Variants in GFPT2 observed in about 807,000 individuals in gnomAD.
GFPT2 encodes glutamine--fructose-6-phosphate aminotransferase [isomerizing] 2.
GFPT2 carries 62 observed loss-of-function variants against 85.6 expected under a neutral mutation model. That is an observed-to-expected ratio of 0.72 (90% CI 0.59 to 0.90). The LOEUF is 0.90. Ranked by LOEUF, GFPT2 falls within the 40% of genes least tolerant of loss-of-function variation. The probability of loss-of-function intolerance (pLI) is 0.00; values close to 1 mark genes in which losing one functional copy is unlikely to be tolerated. For synonymous variants in GFPT2, 368 were observed against 344.5 expected (o/e 1.07, Z -0.75); for missense variants, 788 against 893.4 (o/e 0.88, Z 1.50).
At position 180,330,900 on chromosome 5, in the gene GFPT2, C is replaced by T. The variant is rs1043007411; in HGVS notation, c.400-66G>A. On this transcript the variant is annotated intron_variant, in intron 5 of 18. Coordinates refer to ENST00000253778, the MANE Select transcript of GFPT2 (RefSeq NM_005110.4). This position sits in a 1 kb window ranked among gnomAD's most constrained non-coding sequence, Gnocchi z 4.4. Reference sequence around the variant, plus strand: ...GCACAATGCCTGCCTGGCCAACTCCCTCTCCTCCCTGGTGATCTGCCCTTG... The same window carrying T: ...GCACAATGCCTGCCTGGCCAACTCCTTCTCCTCCCTGGTGATCTGCCCTTG... 8 of 1,435,276 alleles carry T rather than the reference C, an allele frequency of 5.6e-6. No homozygotes were observed. The highest frequency in any genetic ancestry group is 4.2e-5 in the African/African-American group (3 of 71,488). 88.9% of individuals were successfully genotyped at this position (1,435,276 alleles called of 1,614,324 possible). A position where few individuals can be genotyped will look rare whatever the true frequency, so the allele number is the denominator to read the frequency against.
intron 10 of GFPT2, among the ~76,000 whole-genome samples, chr5:180,317,849 G>A (rs1764043944): frequency 6.6e-6 from 1 of 152,064 alleles, no homozygotes; most frequent in Non-Finnish European, 1.5e-5. Context: ...GGGACAATGG[G>A]GCTGCAGGGT....
At chr5:180,317,148 A>G (rs2127650119) in intron 10 of GFPT2, 90 bp from the exon 11 acceptor site, 3 of 887,734 alleles carry the variant, frequency 3.4e-6, no homozygotes, top group Non-Finnish European at 5.7e-6. Context: ...TGTAAAGCTT[A>G]CTGCAGATTC....
At chr5:180,350,751 T>C (rs764672775) in intron 1 of GFPT2, among the ~76,000 whole-genome samples, 4 of 152,114 alleles carry the variant, frequency 2.6e-5, no homozygotes, top group East Asian at 1.9e-4. Flanking sequence ...AAATTCTCAG[T>C]GCACTGAAAG....
chr5:180,311,945 T>TGCTGAGGACCAGGGAGGCAGGGAG (rs1174433034), intron 15 of GFPT2, among the ~76,000 whole-genome samples: 1 of 147,222 alleles, frequency 6.8e-6, no homozygotes, highest in Non-Finnish European at 1.5e-5. Flanking sequence ...CACTGAGCAC[T>TGCTGAGGACCAGGGAGGCAGGGAG]GCTGAGGACC....
intron 15 of GFPT2, among the ~76,000 whole-genome samples, chr5:180,311,767 TCA>T (rs1281001536): frequency 1.3e-5 from 2 of 152,068 alleles, no homozygotes; most frequent in African/African-American, 2.4e-5. Context: ...GGCTAATGTT[TCA>T]CAGAGTGCTG....
intron 4 of GFPT2, among the ~76,000 whole-genome samples, chr5:180,333,886 A>T (rs892623284): frequency 6.6e-6 from 1 of 152,076 alleles, no homozygotes; most frequent in African/African-American, 2.4e-5. Context: ...TCTACACTGA[A>T]GTGGGGGATT....
intron 9 of GFPT2, 117 bp from the exon 10 acceptor site, chr5:180,319,073 G>C: frequency 1.2e-6 from 1 of 808,018 alleles, no homozygotes; most frequent in Non-Finnish European, 2.0e-6. Context: ...GAGGGACAGA[G>C]AGACCACACT....
intron 1 of GFPT2, among the ~76,000 whole-genome samples, chr5:180,347,626 G>A (rs1764634577): frequency 6.6e-6 from 1 of 152,126 alleles, no homozygotes; most frequent in South Asian, 2.1e-4. Flanking sequence ...CACACAGGAA[G>A]TCAGGAGCAA....
intron 4 of GFPT2, among the ~76,000 whole-genome samples, chr5:180,331,908 C>A (rs1378339071): frequency 6.6e-6 from 1 of 152,158 alleles, no homozygotes; most frequent in African/African-American, 2.4e-5. Flanking sequence ...GATGATGAGC[C>A]CTTCGTTCCA....
At chr5:180,342,763 A>C (rs758321571) in intron 1 of GFPT2, among the ~76,000 whole-genome samples, 1 of 151,218 alleles carries the variant, frequency 6.6e-6, no homozygotes, top group Non-Finnish European at 1.5e-5. Context: ...TTAGCTGGGT[A>C]TGGTGGTGCG....
chr5:180,308,695 A>T lies in GFPT2; in HGVS notation c.1547-1392T>A, dbSNP rs141178647. The stretch of plus-strand genomic sequence containing the variant: ...ATCAATAAACTTTTTCTACTTTGTT[A>T]GGTTAAAATTTATTTTTCTGTCTTG... On this transcript the variant is annotated intron_variant, in intron 15 of 18. Transcript: ENST00000253778. Among the ~76,000 whole-genome samples the T allele has an allele frequency of 4.3e-3, 658 of 152,318 alleles. 11 individuals are homozygous for T. The highest frequency in any genetic ancestry group is 0.041 in the East Asian group (212 of 5,186).
At position 180,314,076 on chromosome 5, in the gene GFPT2, C is replaced by G. The variant is rs1480863128; in HGVS notation, c.1274-112G>C. On this transcript the variant is annotated intron_variant, in intron 13 of 18. Transcript: ENST00000253778. ...AGGGAAATCGGCGCCCGAGACACAG[C>G]CAGCGGGTGTTCAGAAAGGAAAACG... The G allele has an allele frequency of 4.7e-6, 5 of 1,058,762 alleles. No homozygotes were observed. In the East Asian group the frequency reaches 1.4e-4, roughly 30 times the overall value. 65.6% of individuals were successfully genotyped at this position (1,058,762 alleles called of 1,614,324 possible).
intron 9 of GFPT2, among the ~76,000 whole-genome samples, chr5:180,319,857 C>G (rs1764085549): frequency 6.6e-6 from 1 of 152,116 alleles, no homozygotes; most frequent in Non-Finnish European, 1.5e-5. Context: ...AGGGGTTGCA[C>G]TCAGCAAAAC....
rs1029498170 is a variant in GFPT2, at chr5:180,301,338, T to A, written c.*226A>T. ...GTGGAGAAGTCTGCTCTGATCCCCA[T>A]GTGTAAACAATGATTCCCTTCTCCT... On this transcript the variant is annotated 3_prime_UTR_variant, in exon 19 of 19. Transcript: ENST00000253778. The A allele has an allele frequency of 3.4e-6, 2 of 595,828 alleles. No homozygotes were observed. Among genetic ancestry groups the A allele is most frequent in the Non-Finnish European group, 6.0e-6 (2 of 334,260 alleles). The allele number at this position is 595,828 out of a possible 1,614,324, so 36.9% of individuals were successfully genotyped here. A position where few individuals can be genotyped will look rare whatever the true frequency, so the allele number is the denominator to read the frequency against.
At chr5:180,350,957 C>G (rs1334692209) in intron 1 of GFPT2, among the ~76,000 whole-genome samples, 1 of 152,232 alleles carries the variant, frequency 6.6e-6, no homozygotes, top group Non-Finnish European at 1.5e-5. Context: ...TGCTCAGACG[C>G]CAGGTGCGCA....
At chr5:180,341,528 C>T (rs1278044552) in intron 1 of GFPT2, among the ~76,000 whole-genome samples, 1 of 152,146 alleles carries the variant, frequency 6.6e-6, no homozygotes, top group Non-Finnish European at 1.5e-5. Flanking sequence ...TTAAATAGTA[C>T]TATAAATTAT....
At chr5:180,344,993 C>T (rs73351321) in intron 1 of GFPT2, among the ~76,000 whole-genome samples, 3 of 152,342 alleles carry the variant, frequency 2.0e-5, no homozygotes, top group East Asian at 1.9e-4. Flanking sequence ...GCACAGAGGC[C>T]GTGGCCAGTG....
intron 3 of GFPT2, chr5:180,336,272 TA>T: frequency 3.3e-6 from 2 of 606,706 alleles, no homozygotes; most frequent in Non-Finnish European, 2.9e-6. Flanking sequence ...CCTTCACACT[TA>T]AAAAAATTAT....
In GFPT2 at chr5:180,316,873, A is replaced by G; in HGVS notation, c.1055-12T>C. ...GCCACCCAGGAGCACTGCAGGGCACACGACAAGGCGTTAATGCTGAGTCTA... is the reference window on the plus strand; with the variant it reads ...GCCACCCAGGAGCACTGCAGGGCACGCGACAAGGCGTTAATGCTGAGTCTA... On this transcript the variant is annotated splice_polypyrimidine_tract_variant and intron_variant, in intron 11 of 18. Transcript: ENST00000253778. 6.2e-7 allele frequency: 1 copy of G among 1,606,308 alleles called. No homozygotes were observed. The highest frequency in any genetic ancestry group is 1.1e-5 in the South Asian group (1 of 90,934).
Sources: gnomAD v4.1 joint callset for allele counts (sites outside exome capture counted in the v4.1 genomes callset) on GRCh38, gnomAD v4.1.1 for gene constraint, Gnocchi (gnomAD v3.1) non-coding constraint, MANE v1.5 for transcripts, NCBI Gene and HGNC (gene_info 2026-07-23, HGNC 2026-07-21) for gene names.